The following AKAP12 variants were observed in gnomAD, a reference collection of about 807,000 sequenced individuals.
AKAP12 encodes the protein A-kinase anchor protein 12.
A neutral mutation model predicts 79.9 loss-of-function variants in AKAP12; 32 were observed. That is an observed-to-expected ratio of 0.40 (90% CI 0.30 to 0.54). The LOEUF is 0.54. Among genes scored for constraint, AKAP12 ranks in the 20% least tolerant of loss-of-function variants. The probability of loss-of-function intolerance (pLI) is 0.48; values close to 1 mark genes in which losing one functional copy is unlikely to be tolerated. For missense variants in AKAP12, 2,074 were observed against 2,177.0 expected, an observed-to-expected ratio of 0.95 and a Z score of 0.94; for synonymous variants, 808 against 857.0, an observed-to-expected ratio of 0.94 and a Z score of 1.00.
At chr6:151,312,681 A>G (rs1011674644) in intron 3 of AKAP12, among the ~76,000 whole-genome samples, 4 of 150,820 alleles carry the variant, frequency 2.7e-5, no homozygotes, top group Non-Finnish European at 2.9e-5. Flanking sequence ...AGTCCCAGCC[A>G]CTTGGGAGGC....
At chr6:151,296,046 A>T (rs1776716729) in intron 2 of AKAP12, among the ~76,000 whole-genome samples, 1 of 152,216 alleles carries the variant, frequency 6.6e-6, no homozygotes, top group African/African-American at 2.4e-5. Flanking sequence ...CATGAAATTT[A>T]TAACGAGCAG....
intron 2 of AKAP12, among the ~76,000 whole-genome samples, chr6:151,252,661 A>G (rs1797204463): frequency 6.8e-6 from 1 of 147,722 alleles, no homozygotes; most frequent in Admixed American, 6.8e-5. Context: ...TGGGAGGCCA[A>G]GGTGGGAAGA....
In AKAP12 at chr6:151,357,536, A is replaced by C. The variant is rs1200453562; in HGVS notation, c.*1822A>C. On this transcript the variant is annotated 3_prime_UTR_variant, in exon 5 of 5. Transcript: ENST00000402676. ...TAGTTTCTTTTTGCTAACAAATCTA[A>C]CTTCATACATAATTGGCCATATTAG... The C allele has an allele frequency of 6.6e-6, 1 of 152,144 alleles. No individual in the cohort carries two copies. The highest frequency in any genetic ancestry group is 1.9e-4 in the East Asian group (1 of 5,204). The allele number at this position is 152,144 out of a possible 1,614,324, so 9.4% of individuals were successfully genotyped here.
chr6:151,321,117 G>A (rs58374917), intron 3 of AKAP12, among the ~76,000 whole-genome samples: 1 of 152,074 alleles, frequency 6.6e-6, no homozygotes, highest in African/African-American at 2.4e-5. Flanking sequence ...CTCCCGAGTA[G>A]CTGGGATTAC....
At chr6:151,321,647 A>G (rs1252135586) in intron 3 of AKAP12, among the ~76,000 whole-genome samples, 1 of 152,136 alleles carries the variant, frequency 6.6e-6, no homozygotes, top group Non-Finnish European at 1.5e-5. Flanking sequence ...TGTAATGAAC[A>G]TTGATGGACA....
chr6:151,355,106 C>T (rs913898009), intron 4 of AKAP12, among the ~76,000 whole-genome samples: 2 of 152,150 alleles, frequency 1.3e-5, no homozygotes, highest in African/African-American at 4.8e-5. Context: ...AGCGATCCTC[C>T]TGCCTCAGCC....
intron 2 of AKAP12, among the ~76,000 whole-genome samples, chr6:151,287,158 C>G: frequency 6.6e-6 from 1 of 152,122 alleles, no homozygotes; most frequent in East Asian, 1.9e-4. Flanking sequence ...CCAGGATGGT[C>G]TCGATCTCCT....
intron 2 of AKAP12, among the ~76,000 whole-genome samples, chr6:151,304,488 CAAAAAAAAAAAAAAAAAAAA>C (rs1157088954): frequency 0.087 from 4,029 of 46,288 alleles, 364 homozygotes; most frequent in African/African-American, 0.2. Context: ...CACTCCATCT[CAAAAAAAAAAAAAAAAAAAA>C]AAAAAAAAAA....
rs933281353 is a variant in AKAP12, at chr6:151,356,578, G to T, written c.*864G>T. 26 of 152,196 alleles carry T rather than the reference G, an allele frequency of 1.7e-4. No homozygotes were observed. The highest frequency in any genetic ancestry group is 4.4e-5 in the Non-Finnish European group (3 of 68,032). The allele number at this position is 152,196 out of a possible 1,614,324, so 9.4% of individuals were successfully genotyped here. On this transcript the variant is annotated 3_prime_UTR_variant, in exon 5 of 5. Transcript: ENST00000402676. ...AAGAAAAGAATTGTTGTAAGTTTTT[G>T]ATTCTACTCTTATATGCTGGACTGC...
chr6:151,277,340 G>A (rs1309768389), intron 2 of AKAP12, among the ~76,000 whole-genome samples: 1 of 152,162 alleles, frequency 6.6e-6, no homozygotes, highest in East Asian at 1.9e-4. Context: ...TTTTGGGGGA[G>A]AGGAGTACTC....
At chr6:151,249,919 A>G (rs2114682614) in intron 2 of AKAP12, among the ~76,000 whole-genome samples, 1 of 152,292 alleles carries the variant, frequency 6.6e-6, no homozygotes, top group South Asian at 2.1e-4. Flanking sequence ...GTTCATACAT[A>G]CATAAATACC....
At chr6:151,265,476 A>G (rs764659676) in intron 2 of AKAP12, among the ~76,000 whole-genome samples, 1 of 152,256 alleles carries the variant, frequency 6.6e-6, no homozygotes, top group Non-Finnish European at 1.5e-5. Flanking sequence ...GGGAACTGCT[A>G]TTGCTCTTTG....
Position 151,350,833 on chromosome 6 carries a change from A to G in AKAP12, c.2442A>G (p.Arg814=). 1 of 1,614,096 alleles carries G rather than the reference A, an allele frequency of 6.2e-7. No homozygotes were observed. The change falls in exon 4 of 5, where the codon CGA becomes CGG. Residue 814 remains arginine, a synonymous_variant. Transcript: ENST00000402676. This position sits in a 1 kb window ranked among gnomAD's most constrained non-coding sequence, Gnocchi z 4.8. ...WVSIKKFIPG[R]RKKRPDGKQE... ...CAATCAAGAAGTTTATTCCTGGACG[A>G]AGGAAGAAAAGGCCAGATGGGAAAC... is the stretch of plus-strand genomic sequence containing the variant.
chr6:151,301,650 T>C (rs1163299584), intron 2 of AKAP12, among the ~76,000 whole-genome samples: 1 of 152,190 alleles, frequency 6.6e-6, no homozygotes, highest in Non-Finnish European at 1.5e-5. Flanking sequence ...TGACTAGGAA[T>C]GAAGTCCCAT....
At chr6:151,345,855 C>T (rs12215168) in intron 3 of AKAP12, among the ~76,000 whole-genome samples, 26,751 of 145,872 alleles carry the variant, frequency 0.18, 4,416 homozygotes, top group African/African-American at 0.45. Flanking sequence ...AAATGACATT[C>T]GCATCCCCCA....
intron 2 of AKAP12, among the ~76,000 whole-genome samples, chr6:151,293,270 G>A (rs1019126256): frequency 1.3e-5 from 2 of 152,184 alleles, no homozygotes; most frequent in African/African-American, 4.8e-5. Context: ...TGTAGGAATT[G>A]AGTGAGAACT....
At chr6:151,299,861 T>C (rs1359339442) in intron 2 of AKAP12, among the ~76,000 whole-genome samples, 1 of 152,112 alleles carries the variant, frequency 6.6e-6, no homozygotes, top group African/African-American at 2.4e-5. Context: ...ACTCCTGGCT[T>C]AAAGCCATCC....
chr6:151,277,944 A>ATGTGTG (rs10524824), intron 2 of AKAP12, among the ~76,000 whole-genome samples: 16 of 148,428 alleles, frequency 1.1e-4, no homozygotes, highest in East Asian at 5.9e-4. Context: ...TAATAGGTTT[A>ATGTGTG]TGTGTGTGTG....
At chr6:151,266,112 G>A (rs1797544994) in intron 2 of AKAP12, among the ~76,000 whole-genome samples, 1 of 152,242 alleles carries the variant, frequency 6.6e-6, no homozygotes, top group Non-Finnish European at 1.5e-5. Context: ...CCTGGTCAGA[G>A]CTGTCTGCTG....
Sources: allele counts gnomAD v4.1 joint callset (sites outside exome capture counted in the v4.1 genomes callset), GRCh38; gene constraint gnomAD v4.1.1; non-coding constraint Gnocchi (gnomAD v3.1); transcripts MANE v1.5; gene names NCBI Gene and HGNC (gene_info 2026-07-23, HGNC 2026-07-21).